Variants in MAPK4 observed in about 807,000 individuals in gnomAD.
MAPK4 encodes Erk3-related.
In MAPK4, 22 loss-of-function variants were observed where a neutral mutation model predicts 47.7. The ratio of observed to expected loss-of-function variants is 0.46; its 90% CI spans 0.33 to 0.66. The LOEUF (loss-of-function observed/expected upper bound fraction) is 0.66, where lower values mean the gene tolerates loss of function less well. Ranked by LOEUF, MAPK4 falls within the 30% of genes least tolerant of loss-of-function variation. The pLI is 0.02. For synonymous variants in MAPK4, 390 were observed against 365.7 expected (o/e 1.07, Z -0.76); for missense variants, 736 against 831.7 (o/e 0.88, Z 1.42).
intron 1 of MAPK4, among the ~76,000 whole-genome samples, chr18:50,591,071 G>A (rs753069667): frequency 3.3e-5 from 5 of 152,146 alleles, no homozygotes; most frequent in African/African-American, 1.2e-4. Context: ...ATTCATATTG[G>A]CACAATAATT....
intron 1 of MAPK4, among the ~76,000 whole-genome samples, chr18:50,612,458 C>T (rs1037441779): frequency 2.6e-5 from 4 of 152,006 alleles, no homozygotes; most frequent in Non-Finnish European, 4.4e-5. Context: ...CCCAGTATAG[C>T]GGGAGAGAAA....
rs150541544 is a variant in MAPK4 at position 50,710,469 on chromosome 18, C to T, written c.547-4610C>T. Among the ~76,000 whole-genome samples the T allele has an allele frequency of 4.9e-3, 728 of 149,178 alleles. 11 individuals carry two copies. Among genetic ancestry groups the T allele is most frequent in the African/African-American group, 0.016 (642 of 40,444 alleles). On this transcript the variant is annotated intron_variant, in intron 2 of 5. Coordinates refer to ENST00000400384, the MANE Select transcript of MAPK4 (RefSeq NM_002747.4). Reference sequence around the variant, plus strand: ...CTGCACTCCAGCCTGGGCAACAGAGCGAGACCCTATCTCAAATAAATAAAT... The same window carrying T: ...CTGCACTCCAGCCTGGGCAACAGAGTGAGACCCTATCTCAAATAAATAAAT...
At chr18:50,593,807 C>T (rs2042458721) in intron 1 of MAPK4, among the ~76,000 whole-genome samples, 1 of 152,116 alleles carries the variant, frequency 6.6e-6, no homozygotes, top group Non-Finnish European at 1.5e-5. Context: ...ACTCACACTA[C>T]CTGAGTCAGG....
At chr18:50,576,827 C>G (rs1223415579) in intron 1 of MAPK4, among the ~76,000 whole-genome samples, 2 of 152,146 alleles carry the variant, frequency 1.3e-5, no homozygotes, top group African/African-American at 4.8e-5. Context: ...AAGCCCTGCT[C>G]TGGATTCATA....
intron 2 of MAPK4, among the ~76,000 whole-genome samples, chr18:50,708,539 C>T (rs1910179868): frequency 6.6e-6 from 1 of 152,210 alleles, no homozygotes; most frequent in Admixed American, 6.5e-5. Flanking sequence ...GGAATCTGCG[C>T]TTAACCAGTC....
At position 50,675,115 on chromosome 18, in the gene MAPK4, A is replaced by G. The variant is rs189227267; in HGVS notation, c.546+10611A>G. ...GTTGTTGCCCCCATTGTCTAGATGA[A>G]GACACTAAGGCACAGAGAGTAACTT... is the stretch of plus-strand genomic sequence containing the variant. On this transcript the variant is annotated intron_variant, in intron 2 of 5. Coordinates refer to ENST00000400384, the MANE Select transcript of MAPK4 (RefSeq NM_002747.4). Among the ~76,000 whole-genome samples, 1,034 of 152,280 alleles carry G rather than the reference A, an allele frequency of 6.8e-3. 15 individuals are homozygous for G. Among genetic ancestry groups the G allele is most frequent in the African/African-American group, 0.024 (1,000 of 41,550 alleles).
chr18:50,609,307 G>A lies in MAPK4; in HGVS notation c.-871+49064G>A, dbSNP rs543720452. 4.1e-3 allele frequency among the ~76,000 whole-genome samples: 622 copies of A among 151,490 alleles called. 2 individuals carry two copies. Among genetic ancestry groups the A allele is most frequent in the African/African-American group, 0.014 (569 of 41,432 alleles). On this transcript the variant is annotated intron_variant, in intron 1 of 5. Coordinates refer to ENST00000400384, the MANE Select transcript of MAPK4 (RefSeq NM_002747.4). ...CCAGAAGGGGCGGCCAGGCAGAGGC[G>A]CCCCCCACCTCCCGGGCGGGGCGGC...
At chr18:50,716,779 C>G (rs1910659149) in intron 3 of MAPK4, among the ~76,000 whole-genome samples, 1 of 151,804 alleles carries the variant, frequency 6.6e-6, no homozygotes, top group Non-Finnish European at 1.5e-5. Flanking sequence ...CTCTCCCCAC[C>G]TCCTCAGCCT....
intron 2 of MAPK4, among the ~76,000 whole-genome samples, chr18:50,696,404 C>A (rs58678161): frequency 0.018 from 2,786 of 152,328 alleles, 94 homozygotes; most frequent in African/African-American, 0.063. Flanking sequence ...CCCTAGGGAC[C>A]CACTGAGCTG....
chr18:50,624,691 A>C lies in MAPK4; in HGVS notation c.-870-38398A>C, dbSNP rs1348443148. Among the ~76,000 whole-genome samples, 3 of 152,134 alleles carry C rather than the reference A, an allele frequency of 2.0e-5. No homozygotes were observed. The East Asian group carries it at 5.8e-4, about 29-fold the overall frequency. ...TGAATTTACAATTTTTTCAAAGTAT[A>C]AGTTTGTTTTTTAATAATACCATTG... On this transcript the variant is annotated intron_variant, in intron 1 of 5. Transcript: ENST00000400384.
chr18:50,628,843 A>G (rs1304972474), intron 1 of MAPK4, among the ~76,000 whole-genome samples: 1 of 152,242 alleles, frequency 6.6e-6, no homozygotes, highest in African/African-American at 2.4e-5. Context: ...ATGGTTTATT[A>G]CATTTAGGTA....
At chr18:50,619,093 G>C (rs1489517347) in intron 1 of MAPK4, among the ~76,000 whole-genome samples, 1 of 152,220 alleles carries the variant, frequency 6.6e-6, no homozygotes, top group Non-Finnish European at 1.5e-5. Flanking sequence ...CTATGTGAAA[G>C]ATCCTTTGTG....
intron 1 of MAPK4, among the ~76,000 whole-genome samples, chr18:50,602,616 G>T (rs1458506189): frequency 6.6e-6 from 1 of 152,190 alleles, no homozygotes; most frequent in Non-Finnish European, 1.5e-5. Context: ...CATTCCAGAG[G>T]TAGTTATTCA....
chr18:50,589,991 A>G (rs974446784), intron 1 of MAPK4, among the ~76,000 whole-genome samples: 4 of 152,260 alleles, frequency 2.6e-5, no homozygotes, highest in Non-Finnish European at 5.9e-5. Flanking sequence ...TGGCAACTCC[A>G]TAAGATAACA....
intron 5 of MAPK4, among the ~76,000 whole-genome samples, chr18:50,726,863 A>C (rs577242877): frequency 4.3e-4 from 65 of 152,048 alleles, no homozygotes; most frequent in Non-Finnish European, 7.6e-4. Context: ...TGTCAAAAAA[A>C]AAAAAATGCC....
intron 1 of MAPK4, among the ~76,000 whole-genome samples, chr18:50,656,865 A>T (rs2043115449): frequency 6.6e-6 from 1 of 152,204 alleles, no homozygotes; most frequent in South Asian, 2.1e-4. Context: ...CCGTGTGCTG[A>T]GCAAGTTACT....
intron 2 of MAPK4, among the ~76,000 whole-genome samples, chr18:50,674,487 C>A (rs1161715899): frequency 6.6e-6 from 1 of 152,110 alleles, no homozygotes; most frequent in Non-Finnish European, 1.5e-5. Flanking sequence ...AGAGACCAGC[C>A]CTTATCCTCG....
intron 1 of MAPK4, among the ~76,000 whole-genome samples, chr18:50,571,294 G>A (rs1322562535): frequency 6.6e-6 from 1 of 152,160 alleles, no homozygotes; most frequent in African/African-American, 2.4e-5. Context: ...CCTCCAATTC[G>A]ATTTCAGTAA....
intron 1 of MAPK4, among the ~76,000 whole-genome samples, chr18:50,660,479 C>G (rs1418469443): frequency 6.6e-6 from 1 of 152,190 alleles, no homozygotes; most frequent in Non-Finnish European, 1.5e-5. Flanking sequence ...GTACTCAGCT[C>G]CTTCCAGTCA....
Sources: gnomAD v4.1 joint callset for allele counts (sites outside exome capture counted in the v4.1 genomes callset) on GRCh38, gnomAD v4.1.1 for gene constraint, MANE v1.5 for transcripts, NCBI Gene and HGNC (gene_info 2026-07-23, HGNC 2026-07-21) for gene names.